PSG11: variants seen among roughly 807,000 people sequenced by gnomAD.
The protein encoded by PSG11 is pregnancy-specific beta-1-glycoprotein 11.
In PSG11, 42 loss-of-function variants were observed where a neutral mutation model predicts 36.0. The observed-to-expected ratio is 1.17, with a 90% CI of 0.91 to 1.51. PSG11 has a LOEUF of 1.51. Ranked by LOEUF, PSG11 falls within the 40% of genes most tolerant of loss-of-function variation. PSG11 has a pLI of 0.00. For missense variants in PSG11, 558 were observed against 403.5 expected (o/e 1.38, Z -3.28); for synonymous variants, 206 against 153.5 (o/e 1.34, Z -2.53).
intron 3 of PSG11, among the ~76,000 whole-genome samples, chr19:43,016,400 C>G (rs1478088873): frequency 2.0e-5 from 3 of 151,166 alleles, no homozygotes; most frequent in Non-Finnish European, 4.4e-5. Context: ...TGTGCAACTG[C>G]TGGGCCCCTT....
At position 43,023,551 on chromosome 19, in the gene PSG11, T is replaced by C. The variant is rs372242975; in HGVS notation, c.430+1140A>G. Among the ~76,000 whole-genome samples, 541 of 151,284 alleles carry C rather than the reference T, an allele frequency of 3.6e-3. 16 individuals are homozygous for C. The highest frequency in any genetic ancestry group is 0.012 in the African/African-American group (488 of 41,054). On this transcript the variant is annotated intron_variant, in intron 2 of 5. Coordinates refer to ENST00000320078, the MANE Select transcript of PSG11 (RefSeq NM_002785.3). The stretch of plus-strand genomic sequence containing the variant: ...AAGCAGGTGATTTAGTTCTGGAGTA[T>C]AGACTAATCAGCTGACCATTTGCTC...
chr19:43,013,348 G>T (rs1426331380), intron 4 of PSG11, among the ~76,000 whole-genome samples: 1 of 151,260 alleles, frequency 6.6e-6, no homozygotes, highest in African/African-American at 2.4e-5. Context: ...AAAAATATTT[G>T]CAAATTATAT....
chr19:43,019,871 G>A (rs945178602), intron 2 of PSG11, among the ~76,000 whole-genome samples: 23 of 151,560 alleles, frequency 1.5e-4, no homozygotes, highest in Admixed American at 1.2e-3. Flanking sequence ...ATGCAGAACT[G>A]ACTGGTGGAA....
rs1421243523 is a variant in PSG11 at position 43,010,023 on chromosome 19, G to A, written c.983C>T (p.Thr328Ile). The A allele has an allele frequency of 1.2e-6, 2 of 1,609,882 alleles. No homozygotes were observed. Among genetic ancestry groups the A allele is most frequent in the Non-Finnish European group, 1.7e-6 (2 of 1,177,318 alleles). ...CTACGTTGGATTATTGAAAGCAAAA[G>A]TTCCTAATCCTGGAGGAGCTGTCAT... is the stretch of plus-strand genomic sequence containing the variant. ...IRVIAPPGLG[T>I]FAFNNPT is the part of the protein sequence containing the mutation. Residue 328 changes from threonine (T) to isoleucine (I), a missense_variant, in exon 5 of 6, where the codon ACT becomes ATT. Thr to Ile is a moderately conservative substitution (Grantham distance 89). Transcript: ENST00000320078.
chr19:43,015,586 C>G (rs1051475170), intron 3 of PSG11, among the ~76,000 whole-genome samples: 2 of 151,382 alleles, frequency 1.3e-5, no homozygotes, highest in Non-Finnish European at 2.9e-5. Context: ...AGCATCCCCT[C>G]TCCTTATATT....
intron 3 of PSG11, among the ~76,000 whole-genome samples, chr19:43,016,711 T>G (rs1432625954): frequency 6.6e-6 from 1 of 151,490 alleles, no homozygotes; most frequent in Non-Finnish European, 1.5e-5. Flanking sequence ...GCGCAAGGAA[T>G]GATCTAGGAA....
intron 4 of PSG11, among the ~76,000 whole-genome samples, chr19:43,013,736 T>G (rs1015604241): frequency 1.3e-5 from 2 of 151,388 alleles, no homozygotes; most frequent in African/African-American, 4.9e-5. Flanking sequence ...AATTAAACAA[T>G]GAATTACCAT....
At chr19:43,015,955 T>C in intron 3 of PSG11, 1 of 1,610,172 alleles carries the variant, frequency 6.2e-7, no homozygotes. Context: ...GGCATAGTTC[T>C]CACTCTTAGG....
intron 2 of PSG11, among the ~76,000 whole-genome samples, chr19:43,021,322 A>G (rs1457897651): frequency 1.3e-5 from 2 of 151,460 alleles, no homozygotes; most frequent in South Asian, 2.1e-4. Flanking sequence ...GCAGTCTACC[A>G]GTAAGCATCA....
At chr19:43,021,349 C>T (rs1967097036) in intron 2 of PSG11, among the ~76,000 whole-genome samples, 1 of 151,240 alleles carries the variant, frequency 6.6e-6, no homozygotes, top group East Asian at 1.9e-4. Flanking sequence ...TTCTTCATTT[C>T]TCTTACAGCA....
chr19:43,018,800 G>T lies in PSG11; in HGVS notation c.679C>A (p.Arg227Ser). The change falls in exon 3 of 6, where the codon CGC (arginine) becomes AGC (serine). Residue 227 changes from arginine (R) to serine (S), a missense_variant. Transcript: ENST00000320078. The stretch of plus-strand genomic sequence containing the variant: ...AGATTCAGGGTGACTGGGTCACTGC[G>T]GCTGGCACTCCCTGAGTTCCATATT... ...CEIWNSGSAS[R>S]SDPVTLNLLH... 1 of 1,612,026 alleles carries T rather than the reference G, an allele frequency of 6.2e-7. No individual in the cohort carries two copies. The highest frequency in any genetic ancestry group is 8.5e-7 in the Non-Finnish European group (1 of 1,179,052).
intron 2 of PSG11, among the ~76,000 whole-genome samples, chr19:43,023,798 T>C (rs1967164752): frequency 1.3e-5 from 2 of 151,266 alleles, no homozygotes; most frequent in Admixed American, 1.3e-4. Flanking sequence ...TCAGATAAGT[T>C]AAATGGCAAA....
chr19:43,018,958 G>A lies in PSG11; in HGVS notation c.521C>T (p.Pro174Leu), dbSNP rs758939809. The change falls in exon 3 of 6, where the codon CCG becomes CTG. Residue 174 changes from proline (P) to leucine (L), a missense_variant. Coordinates refer to ENST00000320078, the MANE Select transcript of PSG11 (RefSeq NM_002785.3). ...CATCCACCACAGGTAGCTTGCGTCC[G>A]GAGTCTCAGGATTACAGGTTAAGAT... ...TVILTCNPET[P>L]DASYLWWMNG... 37 of 1,611,954 alleles carry A rather than the reference G, an allele frequency of 2.3e-5. 1 individual carries two copies. Among genetic ancestry groups the A allele is most frequent in the South Asian group, 1.8e-4 (16 of 90,834 alleles).
At chr19:43,015,878 T>C in intron 3 of PSG11, 2 of 1,610,130 alleles carry the variant, frequency 1.2e-6, no homozygotes, top group Non-Finnish European at 1.7e-6. Flanking sequence ...ATGAGGATCC[T>C]GTTTTCAATG....
At position 43,010,237 on chromosome 19, in the gene PSG11, A is replaced by G; in HGVS notation, c.965-196T>C. 3 of 1,454,500 alleles carry G rather than the reference A, an allele frequency of 2.1e-6. 1 individual carries two copies. The highest frequency in any genetic ancestry group is 2.7e-6 in the Non-Finnish European group (3 of 1,102,590). The allele number at this position is 1,454,500 out of a possible 1,614,324, so 90.1% of individuals were successfully genotyped here. On this transcript the variant is annotated intron_variant, in intron 4 of 5. Transcript: ENST00000320078. ...CTCTCACCATGTTTCTCAGTTGGTGATCAGTCCTCTGTCAATTCTCTACTG... is the reference window on the plus strand; with the variant it reads ...CTCTCACCATGTTTCTCAGTTGGTGGTCAGTCCTCTGTCAATTCTCTACTG...
At chr19:43,019,935 T>C (rs1356766885) in intron 2 of PSG11, among the ~76,000 whole-genome samples, 1 of 151,500 alleles carries the variant, frequency 6.6e-6, no homozygotes, top group Non-Finnish European at 1.5e-5. Flanking sequence ...CATATGTGTT[T>C]GGTAGATATT....
Position 43,020,632 on chromosome 19 carries a change from T to A in PSG11, c.431-1584A>T, listed in dbSNP as rs1967080471. Among the ~76,000 whole-genome samples, 2 of 151,362 alleles carry A rather than the reference T, an allele frequency of 1.3e-5. 1 individual carries two copies. The highest frequency in any genetic ancestry group is 2.9e-5 in the Non-Finnish European group (2 of 67,896). On this transcript the variant is annotated intron_variant, in intron 2 of 5. Coordinates refer to ENST00000320078, the MANE Select transcript of PSG11 (RefSeq NM_002785.3). ...CATAAGGTTTAGGTGTGCCATGAAT[T>A]CCAGCAGGATCACATTATGCTCAAA...
chr19:43,012,719 G>C (rs1974107078), intron 4 of PSG11, among the ~76,000 whole-genome samples: 1 of 151,446 alleles, frequency 6.6e-6, no homozygotes, highest in South Asian at 2.1e-4. Context: ...TACCCAAAGT[G>C]AGCTGTGGAT....
chr19:43,024,991 T>G lies in PSG11; in HGVS notation c.130A>C (p.Lys44Gln), dbSNP rs1321077653. ...AGAACATCCTTCCCCTCGGACACTT[T>G]GGGTGGCTGGGCTTCAATCATGACT... The part of the protein sequence containing the change: ...AQVMIEAQPP[K>Q]VSEGKDVLLL... The change falls in exon 2 of 6, where the codon AAA becomes CAA. Residue 44 changes from lysine (K) to glutamine (Q), a missense_variant. Transcript: ENST00000320078. 3 of 1,611,188 alleles carry G rather than the reference T, an allele frequency of 1.9e-6. No homozygotes were observed. The highest frequency in any genetic ancestry group is 2.5e-6 in the Non-Finnish European group (3 of 1,178,550).
Sources: gnomAD v4.1 joint callset for allele counts (sites outside exome capture counted in the v4.1 genomes callset) on GRCh38, gnomAD v4.1.1 for gene constraint, MANE v1.5 for transcripts, NCBI Gene and HGNC (gene_info 2026-07-23, HGNC 2026-07-21) for gene names.